Variants in EPN1 observed in about 807,000 individuals in gnomAD.
The protein encoded by EPN1 is epsin 1.
EPN1 carries 25 observed loss-of-function variants against 56.9 expected under a neutral mutation model. The ratio of observed to expected loss-of-function variants is 0.44; its 90% CI spans 0.32 to 0.61. EPN1 has a LOEUF of 0.61. Among genes scored for constraint, EPN1 ranks in the 20% least tolerant of loss-of-function variants. The pLI is 0.05. For missense variants in EPN1, 785 were observed against 823.7 expected (o/e 0.95, Z 0.58); for synonymous variants, 411 against 361.8 (o/e 1.14, Z -1.54).
At position 55,692,022 on chromosome 19, in the gene EPN1, A is replaced by G; in HGVS notation, c.1031A>G (p.Glu344Gly). Residue 344 changes from glutamate to glycine, a missense_variant, in exon 7 of 11, where the codon GAG (glutamate) becomes GGG (glycine). Glu to Gly is a moderately conservative substitution (Grantham distance 98). Coordinates refer to ENST00000270460, the MANE Select transcript of EPN1 (RefSeq NM_001130072.2). The part of the protein sequence containing the change: ...WGGTPAPAAG[E>G]GPTPDPWGSS... ...GGGACCCCAGCCCCTGCAGCTGGGG[A>G]GGGGCCCACGCCTGATCCATGGGGA... The G allele has an allele frequency of 1.4e-5, 20 of 1,470,810 alleles. No homozygotes were observed. The highest frequency in any genetic ancestry group is 1.8e-5 in the Non-Finnish European group (20 of 1,118,538). The allele number at this position is 1,470,810 out of a possible 1,614,324, so 91.1% of individuals were successfully genotyped here.
intron 6 of EPN1, 124 bp downstream of exon 6, chr19:55,690,074 G>A (rs1600105531): frequency 1.0e-6 from 1 of 972,160 alleles, no homozygotes; most frequent in East Asian, 2.6e-5. Flanking sequence ...CTGGGCACCG[G>A]GTTTCCAGGC....
Position 55,696,770 on chromosome 19 carries a change from C to T in EPN1, c.*1414C>T, listed in dbSNP as rs1986927179. 1 of 152,298 alleles carries T rather than the reference C, an allele frequency of 6.6e-6. No homozygotes were observed. Among genetic ancestry groups the T allele is most frequent in the African/African-American group, 2.4e-5 (1 of 41,468 alleles). The allele number at this position is 152,298 out of a possible 1,614,324, so 9.4% of individuals were successfully genotyped here. ...TCGTGGCCACCCTGTGTGCCCACTC[C>T]CTGGTGGACAGACCTACGTCACCTG... On this transcript the variant is annotated 3_prime_UTR_variant, in exon 11 of 11. Coordinates refer to ENST00000270460, the MANE Select transcript of EPN1 (RefSeq NM_001130072.2).
At position 55,692,954 on chromosome 19, in the gene EPN1, C is replaced by T; in HGVS notation, c.1181C>T (p.Ala394Val). 6.2e-7 allele frequency: 1 copy of T among 1,613,448 alleles called. No homozygotes were observed. The highest frequency in any genetic ancestry group is 1.7e-5 in the Admixed American group (1 of 60,008). The change falls in exon 9 of 11, where the codon GCC becomes GTC. Residue 394 changes from alanine (A) to valine (V), a missense_variant. Physicochemically the swap from Ala to Val is moderately conservative, Grantham distance 64 (BLOSUM62 0). Coordinates refer to ENST00000270460, the MANE Select transcript of EPN1 (RefSeq NM_001130072.2). Reference protein sequence around the residue: ...AKPSTNGTTAAGGFDTEPDEF... With the variant: ...AKPSTNGTTAVGGFDTEPDEF... The stretch of plus-strand genomic sequence containing the variant: ...GCAGAACATCCTGACCCCACAGCAG[C>T]CGGGGGATTCGACACGGAGCCCGAC...
Position 55,689,215 on chromosome 19 carries a change from T to C in EPN1, c.604-82T>C, listed in dbSNP as rs1986370976. Reference sequence around the variant, plus strand: ...CAGGGACCCCCAGCCCTCTCTTTCTTCGGCTCTATCTGACCCTGGCTCTGC... The same window carrying C: ...CAGGGACCCCCAGCCCTCTCTTTCTCCGGCTCTATCTGACCCTGGCTCTGC... On this transcript the variant is annotated intron_variant, in intron 4 of 10. Transcript: ENST00000270460. The surrounding 1 kb of genome is among the most constrained non-coding windows in gnomAD (Gnocchi z 5.7). 8.3e-7 allele frequency: 1 copy of C among 1,212,086 alleles called. No homozygotes were observed. Among genetic ancestry groups the C allele is most frequent in the African/African-American group, 1.5e-5 (1 of 66,470 alleles). The allele number at this position is 1,212,086 out of a possible 1,614,324, so 75.1% of individuals were successfully genotyped here. A position where few individuals can be genotyped will look rare whatever the true frequency, so the allele number is the denominator to read the frequency against.
In EPN1 at chr19:55,698,111, C is replaced by T. The variant is rs1568584899; in HGVS notation, c.*2755C>T. The T allele has an allele frequency of 8.6e-6, 1 of 116,382 alleles. No individual in the cohort carries two copies. 7.2% of individuals were successfully genotyped at this position (116,382 alleles called of 1,614,324 possible). On this transcript the variant is annotated 3_prime_UTR_variant, in exon 11 of 11. Coordinates refer to ENST00000270460, the MANE Select transcript of EPN1 (RefSeq NM_001130072.2). Reference sequence around the variant, plus strand: ...TGGGGATGGTGGAGGCTGAAGAAGCCTATCAGATGTGAGGGTGGCGGGGGT... The same window carrying T: ...TGGGGATGGTGGAGGCTGAAGAAGCTTATCAGATGTGAGGGTGGCGGGGGT...
intron 6 of EPN1, among the ~76,000 whole-genome samples, chr19:55,690,396 A>G (rs1410970627): frequency 1.3e-5 from 2 of 152,220 alleles, no homozygotes; most frequent in Non-Finnish European, 2.9e-5. Context: ...CGCCCTCGCG[A>G]ACACTGTTTC....
At position 55,704,413 on chromosome 19, in the gene EPN1, C is replaced by A. The variant is rs906464129; in HGVS notation, c.*9057C>A. On this transcript the variant is annotated 3_prime_UTR_variant, in exon 11 of 11. Coordinates refer to ENST00000270460, the MANE Select transcript of EPN1 (RefSeq NM_001130072.2). ...ACATTAGGGTGGGTCCTAATCCAATCTGACTGTTATATAGTGGGGTTGCAC... is the reference window on the plus strand; with the variant it reads ...ACATTAGGGTGGGTCCTAATCCAATATGACTGTTATATAGTGGGGTTGCAC... 6.6e-6 allele frequency: 1 copy of A among 152,214 alleles called. No homozygotes were observed. The highest frequency in any genetic ancestry group is 1.5e-5 in the Non-Finnish European group (1 of 68,064). 9.4% of individuals were successfully genotyped at this position (152,214 alleles called of 1,614,324 possible). A position where few individuals can be genotyped will look rare whatever the true frequency, so the allele number is the denominator to read the frequency against.
At chr19:55,690,848 CTCTTTA>C (rs1221457343) in intron 6 of EPN1, among the ~76,000 whole-genome samples, 7 of 152,152 alleles carry the variant, frequency 4.6e-5, no homozygotes, top group Non-Finnish European at 8.8e-5. Context: ...GACGGAAAGC[CTCTTTA>C]GGTTGGCCTC....
chr19:55,708,669 C>T lies in EPN1; in HGVS notation c.*13313C>T, dbSNP rs1987548756. On this transcript the variant is annotated 3_prime_UTR_variant, in exon 11 of 11. Coordinates refer to ENST00000270460, the MANE Select transcript of EPN1 (RefSeq NM_001130072.2). The stretch of plus-strand genomic sequence containing the variant: ...TTAGCACTTGTTTAACGTACTTGTG[C>T]TTCTAAATATCACAAGGCAGGATGG... 8.7e-6 allele frequency: 3 copies of T among 345,024 alleles called. No homozygotes were observed. Among genetic ancestry groups the T allele is most frequent in the Admixed American group, 4.8e-5 (1 of 20,960 alleles). 21.4% of individuals were successfully genotyped at this position (345,024 alleles called of 1,614,324 possible).
At chr19:55,675,795 C>T (rs1329265581) in intron 1 of EPN1, among the ~76,000 whole-genome samples, 2 of 152,172 alleles carry the variant, frequency 1.3e-5, no homozygotes, top group African/African-American at 4.8e-5. Context: ...GTTTCCGAGT[C>T]TTCTTTTCCC....
chr19:55,677,805 G>T, intron 1 of EPN1: 1 of 1,433,056 alleles, frequency 7.0e-7, no homozygotes, highest in African/African-American at 1.4e-5. Context: ...CCTTGTTTCT[G>T]CTGTGGATTC....
Position 55,695,275 on chromosome 19 carries a change from T to C in EPN1, c.1650T>C (p.Ser550=). Residue 550 remains serine, a synonymous_variant, in exon 11 of 11, where the codon TCT becomes TCC. Transcript: ENST00000270460. This position sits in a 1 kb window ranked among gnomAD's most constrained non-coding sequence, Gnocchi z 4.4. ...PVPGAPPTYI[S]PLGGGPGLPP... ...CTGGAGCGCCACCCACGTACATCTC[T>C]CCCCTTGGCGGGGGCCCTGGCCTGC... 1 of 1,599,944 alleles carries C rather than the reference T, an allele frequency of 6.3e-7. No homozygotes were observed. The highest frequency in any genetic ancestry group is 1.3e-5 in the African/African-American group (1 of 74,596).
intron 1 of EPN1, chr19:55,676,934 C>G: frequency 2.0e-6 from 1 of 495,930 alleles, no homozygotes; most frequent in South Asian, 2.8e-5. Flanking sequence ...TCTATTTCTT[C>G]TCAGTCCCCT....
intron 7 of EPN1, 122 bp downstream of exon 7, chr19:55,692,179 G>A (rs1293408170): frequency 2.1e-6 from 2 of 959,072 alleles, no homozygotes; most frequent in Non-Finnish European, 1.4e-6. Context: ...GGCGTCCTGG[G>A]TGCAGGGGAG....
rs1032528084 is a variant in EPN1 at position 55,691,915 on chromosome 19, G to C, written c.924G>C (p.Trp308Cys). The change falls in exon 7 of 11, where the codon TGG (tryptophan) becomes TGC (cysteine). Residue 308 changes from tryptophan (W) to cysteine (C), a missense_variant. Physicochemically the swap from Trp to Cys is radical, Grantham distance 215. Coordinates refer to ENST00000270460, the MANE Select transcript of EPN1 (RefSeq NM_001130072.2). The surrounding 1 kb of genome is among the most constrained non-coding windows in gnomAD (Gnocchi z 5.6). The part of the protein sequence containing the change: ...GPPVPPAADP[W>C]GGPAPTPASG... ...CTGTCCCTCCAGCTGCTGATCCCTG[G>C]GGAGGTCCAGCCCCCACGCCGGCCT... 10 of 1,583,194 alleles carry C rather than the reference G, an allele frequency of 6.3e-6. No individual in the cohort carries two copies. Among genetic ancestry groups the C allele is most frequent in the Non-Finnish European group, 8.6e-6 (10 of 1,165,506 alleles).
chr19:55,708,824 G>A lies in EPN1; in HGVS notation c.*13468G>A. The A allele has an allele frequency of 2.3e-6, 2 of 856,610 alleles. No homozygotes were observed. The highest frequency in any genetic ancestry group is 4.3e-5 in the South Asian group (2 of 46,758). 53.1% of individuals were successfully genotyped at this position (856,610 alleles called of 1,614,324 possible). ...GAAATCACAGCCCTGCTGCCATGAT[G>A]TGCAATTACAGGATAGAGGTGCCAG... is the stretch of plus-strand genomic sequence containing the variant. On this transcript the variant is annotated 3_prime_UTR_variant, in exon 11 of 11. Transcript: ENST00000270460.
At chr19:55,690,153 G>A (rs1338093322) in intron 6 of EPN1, among the ~76,000 whole-genome samples, 3 of 152,182 alleles carry the variant, frequency 2.0e-5, no homozygotes, top group Non-Finnish European at 2.9e-5. Context: ...GCTGCCCTGC[G>A]GCCACCTCCT....
At chr19:55,686,666 C>G (rs942142737) in intron 3 of EPN1, among the ~76,000 whole-genome samples, 10 of 151,984 alleles carry the variant, frequency 6.6e-5, no homozygotes, top group African/African-American at 2.4e-4. Flanking sequence ...AGAGTAGGGA[C>G]CCACGAGCCA....
intron 3 of EPN1, among the ~76,000 whole-genome samples, chr19:55,687,002 C>T (rs1184642143): frequency 6.6e-6 from 1 of 152,064 alleles, no homozygotes; most frequent in Non-Finnish European, 1.5e-5. Context: ...GCTGCCTGGC[C>T]CCGTCCGCTG....
Sources: allele counts gnomAD v4.1 joint callset (sites outside exome capture counted in the v4.1 genomes callset), GRCh38; gene constraint gnomAD v4.1.1; non-coding constraint Gnocchi (gnomAD v3.1); transcripts MANE v1.5; gene names NCBI Gene and HGNC (gene_info 2026-07-23, HGNC 2026-07-21).